The following CACNA1H variants were observed in gnomAD, a reference collection of about 807,000 sequenced individuals.
CACNA1H encodes calcium voltage-gated channel subunit alpha1 H.
CACNA1H carries 149 observed loss-of-function variants against 192.5 expected under a neutral mutation model. The ratio of observed to expected loss-of-function variants is 0.77; its 90% CI spans 0.68 to 0.89. The LOEUF (loss-of-function observed/expected upper bound fraction) is 0.89. Ranked by LOEUF, CACNA1H falls within the 40% of genes least tolerant of loss-of-function variation. CACNA1H has a pLI of 0.00. For synonymous variants in CACNA1H, 2,202 were observed against 1,475.2 expected, an observed-to-expected ratio of 1.49 and a Z score of -11.29; for missense variants, 4,257 against 3,423.5, an observed-to-expected ratio of 1.24 and a Z score of -6.08.
Position 1,206,299 on chromosome 16 carries a change from A to T in CACNA1H, c.2789+10A>T. The T allele has an allele frequency of 9.7e-6, 15 of 1,548,410 alleles. No homozygotes were observed. Among genetic ancestry groups the T allele is most frequent in the Non-Finnish European group, 1.3e-5 (15 of 1,146,616 alleles). On this transcript the variant is annotated intron_variant, in intron 12 of 34. Coordinates refer to ENST00000348261, the MANE Select transcript of CACNA1H (RefSeq NM_021098.3). ...TCATTTTCATCTTCAGGTGGGCGCA[A>T]CCCCCCTCCCGGCCCGCCCAGTGTC...
chr16:1,200,387 G>A lies in CACNA1H; in HGVS notation c.935G>A (p.Arg312His), dbSNP rs1208640164. The A allele has an allele frequency of 3.1e-6, 5 of 1,605,328 alleles. No individual in the cohort carries two copies. The Admixed American group carries it at 6.8e-5, about 22-fold the overall frequency. ...CACATCCCCGGCCGCCGCGAGCTGCGCATGCCCTGCACCCTGGGCTGGGAG... is the reference window on the plus strand; with the variant it reads ...CACATCCCCGGCCGCCGCGAGCTGCACATGCCCTGCACCCTGGGCTGGGAG... ...CSHIPGRREL[R>H]MPCTLGWEAY... is the part of the protein sequence containing the mutation. The change falls in exon 7 of 35, where the codon CGC (arginine) becomes CAC (histidine). Residue 312 changes from arginine (R) to histidine (H), a missense_variant. Transcript: ENST00000348261.
intron 9 of CACNA1H, among the ~76,000 whole-genome samples, chr16:1,203,253 C>T (rs987041036): frequency 1.1e-4 from 16 of 152,170 alleles, no homozygotes; most frequent in African/African-American, 3.4e-4. Context: ...AAAGACAGCA[C>T]GAAAACATCA....
chr16:1,166,035 G>A (rs1352400840), intron 2 of CACNA1H, among the ~76,000 whole-genome samples: 1 of 152,220 alleles, frequency 6.6e-6, no homozygotes, highest in Non-Finnish European at 1.5e-5. Flanking sequence ...CACCGTAGGG[G>A]GACACATTCC....
rs148283766 is a variant in CACNA1H at position 1,166,399 on chromosome 16, G to A, written c.299+12363G>A. ...TCCTCTCAGCCCTGCAGAGGAGGCC[G>A]CGCAGCGTACAAGGCCCTCTGGCCA... On this transcript the variant is annotated intron_variant, in intron 2 of 34. Coordinates refer to ENST00000348261, the MANE Select transcript of CACNA1H (RefSeq NM_021098.3). Among the ~76,000 whole-genome samples, 508 of 152,304 alleles carry A rather than the reference G, an allele frequency of 3.3e-3. 2 individuals carry two copies. Among genetic ancestry groups the A allele is most frequent in the African/African-American group, 0.011 (470 of 41,570 alleles).
chr16:1,162,402 T>C (rs11860067), intron 2 of CACNA1H, among the ~76,000 whole-genome samples: 2,269 of 152,244 alleles, frequency 0.015, 53 homozygotes, highest in African/African-American at 0.05. Context: ...AAATGGCCCA[T>C]GAGCAGGAGG....
At position 1,167,106 on chromosome 16, in the gene CACNA1H, G is replaced by A. The variant is rs899969208; in HGVS notation, c.299+13070G>A. ...GTGCTGACAACCACACCCAGCCGGA[G>A]TCCAGGGCTGTGGGAGTGGACACGG... On this transcript the variant is annotated intron_variant, in intron 2 of 34. Transcript: ENST00000348261. This position sits in a 1 kb window ranked among gnomAD's most constrained non-coding sequence, Gnocchi z 4.2. Among the ~76,000 whole-genome samples the A allele has an allele frequency of 3.3e-5, 5 of 152,212 alleles. No individual in the cohort carries two copies. The highest frequency in any genetic ancestry group is 1.2e-4 in the African/African-American group (5 of 41,462).
At chr16:1,186,447 G>A (rs958739343) in intron 2 of CACNA1H, among the ~76,000 whole-genome samples, 22 of 152,184 alleles carry the variant, frequency 1.4e-4, no homozygotes, top group African/African-American at 2.4e-4. Flanking sequence ...ATGCCGCGGC[G>A]TGGGGTGAAC....
At chr16:1,197,908 C>T (rs1967184908) in intron 5 of CACNA1H, among the ~76,000 whole-genome samples, 3 of 152,282 alleles carry the variant, frequency 2.0e-5, no homozygotes, top group Admixed American at 2.0e-4. Flanking sequence ...GGCTGACCCA[C>T]TTGCTGGATT....
At chr16:1,185,408 G>A (rs1194409216) in intron 2 of CACNA1H, among the ~76,000 whole-genome samples, 4 of 151,932 alleles carry the variant, frequency 2.6e-5, no homozygotes, top group Admixed American at 1.3e-4. Context: ...CCGGAGCTTA[G>A]ACGTGCCCGG....
intron 2 of CACNA1H, among the ~76,000 whole-genome samples, chr16:1,190,388 C>T (rs1451468962): frequency 2.0e-5 from 3 of 152,268 alleles, no homozygotes; most frequent in Non-Finnish European, 4.4e-5. Flanking sequence ...ACTGCCTGTC[C>T]TCAGCTGCCC....
intron 28 of CACNA1H, 71 bp from the exon 29 acceptor site, chr16:1,215,171 G>A: frequency 2.5e-6 from 4 of 1,580,250 alleles, no homozygotes; most frequent in Non-Finnish European, 3.4e-6. Context: ...TCCCACGGAG[G>A]TCTGCAGAAG....
At chr16:1,168,627 C>T (rs1425661645) in intron 2 of CACNA1H, among the ~76,000 whole-genome samples, 1 of 152,036 alleles carries the variant, frequency 6.6e-6, no homozygotes, top group African/African-American at 2.4e-5. Context: ...TCAGTGTCCC[C>T]CGAGCCCCTC....
intron 8 of CACNA1H, 82 bp from the exon 9 acceptor site, chr16:1,201,581 A>G: frequency 6.9e-7 from 1 of 1,456,442 alleles, no homozygotes; most frequent in Non-Finnish European, 9.2e-7. Context: ...CCCCCACTCG[A>G]ACAGGCAGCG....
chr16:1,204,687 C>T (rs943987437), intron 10 of CACNA1H, among the ~76,000 whole-genome samples: 3 of 151,668 alleles, frequency 2.0e-5, no homozygotes, highest in South Asian at 4.2e-4. Context: ...GATTAGGCTC[C>T]TTTTGAGATG....
intron 2 of CACNA1H, among the ~76,000 whole-genome samples, chr16:1,168,003 C>A (rs1053449062): frequency 6.6e-6 from 1 of 152,198 alleles, no homozygotes; most frequent in Admixed American, 6.5e-5. Context: ...GTGACCGCAC[C>A]TCTGTCTGCC....
intron 2 of CACNA1H, among the ~76,000 whole-genome samples, chr16:1,166,304 G>A (rs1051525661): frequency 9.9e-5 from 15 of 152,180 alleles, no homozygotes; most frequent in Admixed American, 3.3e-4. Context: ...GGAGCTCCCT[G>A]TGGCTCAGAC....
chr16:1,208,252 G>T (rs1238841352), intron 16 of CACNA1H, 31 bp downstream of exon 16: 2 of 1,493,164 alleles, frequency 1.3e-6, no homozygotes, highest in South Asian at 2.4e-5. Flanking sequence ...CAGCTCTCAG[G>T]CCCCTTCAGG....
Position 1,217,818 on chromosome 16 carries a change from C to T in CACNA1H, c.5324-101C>T, listed in dbSNP as rs899554288. On this transcript the variant is annotated intron_variant, in intron 31 of 34. Coordinates refer to ENST00000348261, the MANE Select transcript of CACNA1H (RefSeq NM_021098.3). Reference sequence around the variant, plus strand: ...TCGTCATCCACATCCTCCGGGCTATCCTGCCTCTGGGCTCCCCAAGGGGCA... The same window carrying T: ...TCGTCATCCACATCCTCCGGGCTATTCTGCCTCTGGGCTCCCCAAGGGGCA... 4 of 1,424,316 alleles carry T rather than the reference C, an allele frequency of 2.8e-6. 1 individual carries two copies. The highest frequency in any genetic ancestry group is 2.8e-5 in the South Asian group (2 of 70,260). The allele number at this position is 1,424,316 out of a possible 1,614,324, so 88.2% of individuals were successfully genotyped here.
At chr16:1,181,472 C>G (rs746948504) in intron 2 of CACNA1H, among the ~76,000 whole-genome samples, 2 of 152,240 alleles carry the variant, frequency 1.3e-5, no homozygotes, top group African/African-American at 4.8e-5. Flanking sequence ...GTCGTGCCCC[C>G]GAGGTCCTTG....
Sources: allele counts gnomAD v4.1 joint callset (sites outside exome capture counted in the v4.1 genomes callset), GRCh38; gene constraint gnomAD v4.1.1; non-coding constraint Gnocchi (gnomAD v3.1); transcripts MANE v1.5; gene names NCBI Gene and HGNC (gene_info 2026-07-23, HGNC 2026-07-21).